The following ANKIB1 variants were observed in gnomAD, a reference collection of about 807,000 sequenced individuals.
ANKIB1 encodes the protein ankyrin repeat and IBR domain-containing protein 1.
ANKIB1 carries 43 observed loss-of-function variants against 122.1 expected under a neutral mutation model. The ratio of observed to expected loss-of-function variants is 0.35; its 90% CI spans 0.28 to 0.45. The LOEUF (loss-of-function observed/expected upper bound fraction) is 0.45, where lower values mean the gene tolerates loss of function less well. ANKIB1 is among the 20% of genes least tolerant of loss of function. The pLI, the probability that ANKIB1 is intolerant of heterozygous loss-of-function variation, is 1.00. For missense variants in ANKIB1, 992 were observed against 1,329.5 expected, an observed-to-expected ratio of 0.75 and a Z score of 3.95; for synonymous variants, 390 against 442.0, an observed-to-expected ratio of 0.88 and a Z score of 1.48.
intron 9 of ANKIB1, among the ~76,000 whole-genome samples, chr7:92,354,865 G>A (rs1243835875): frequency 6.6e-6 from 1 of 152,120 alleles, no homozygotes; most frequent in Non-Finnish European, 1.5e-5. Flanking sequence ...CAAATTAAAC[G>A]CAAATGATTC....
At chr7:92,362,931 G>A (rs576445531) in intron 10 of ANKIB1, among the ~76,000 whole-genome samples, 1 of 151,990 alleles carries the variant, frequency 6.6e-6, no homozygotes, top group African/African-American at 2.4e-5. Context: ...CTTCCTAATA[G>A]CAGTTCCCAC....
At chr7:92,308,799 T>C (rs1802624652) in intron 3 of ANKIB1, among the ~76,000 whole-genome samples, 3 of 152,158 alleles carry the variant, frequency 2.0e-5, no homozygotes, top group Admixed American at 6.5e-5. Context: ...ACATATCTCA[T>C]AGAAGTTCTT....
chr7:92,351,169 C>T, intron 8 of ANKIB1, 75 bp downstream of exon 8: 5 of 1,234,834 alleles, frequency 4.0e-6, no homozygotes, highest in Non-Finnish European at 5.3e-6. Flanking sequence ...ATTATTTTTT[C>T]TTTTTGTTTT....
At chr7:92,263,974 A>G (rs915755623) in intron 1 of ANKIB1, among the ~76,000 whole-genome samples, 18 of 152,206 alleles carry the variant, frequency 1.2e-4, no homozygotes, top group Non-Finnish European at 2.6e-4. Context: ...CAAGTTTACA[A>G]TTTGACTGGA....
At chr7:92,286,894 A>C (rs759228900) in intron 1 of ANKIB1, among the ~76,000 whole-genome samples, 1 of 152,226 alleles carries the variant, frequency 6.6e-6, no homozygotes, top group Non-Finnish European at 1.5e-5. Context: ...ACATATCCAG[A>C]ATCCAGACAA....
intron 10 of ANKIB1, among the ~76,000 whole-genome samples, chr7:92,366,441 A>G (rs1804085332): frequency 6.6e-6 from 1 of 152,160 alleles, no homozygotes; most frequent in Non-Finnish European, 1.5e-5. Context: ...ACCCTGAAAG[A>G]ACTGTTCATC....
chr7:92,256,940 G>A (rs1269176613), intron 1 of ANKIB1, among the ~76,000 whole-genome samples: 2 of 152,014 alleles, frequency 1.3e-5, no homozygotes, highest in East Asian at 1.9e-4. Context: ...CTGTAATCCT[G>A]GCACTTTGAG....
intron 1 of ANKIB1, 24 bp from the exon 2 acceptor site, chr7:92,294,865 T>C (rs1562773730): frequency 1.4e-6 from 1 of 713,222 alleles, no homozygotes; most frequent in East Asian, 2.8e-5. Flanking sequence ...TACAATCTAA[T>C]TTGAATAACT....
At chr7:92,318,266 A>G (rs1000148529) in intron 3 of ANKIB1, among the ~76,000 whole-genome samples, 1 of 152,142 alleles carries the variant, frequency 6.6e-6, no homozygotes, top group South Asian at 2.1e-4. Flanking sequence ...CTTTAATCCT[A>G]GTATTTTGGG....
At chr7:92,320,290 T>C (rs564162862) in intron 4 of ANKIB1, among the ~76,000 whole-genome samples, 32 of 152,320 alleles carry the variant, frequency 2.1e-4, no homozygotes, top group African/African-American at 7.2e-4. Flanking sequence ...ATTCACTCTT[T>C]AGCCCACTGC....
chr7:92,250,045 G>A (rs1368438378), intron 1 of ANKIB1, among the ~76,000 whole-genome samples: 1 of 151,974 alleles, frequency 6.6e-6, no homozygotes, highest in African/African-American at 2.4e-5. Flanking sequence ...CTCTAATATT[G>A]CTTTGAATAG....
chr7:92,262,372 A>G (rs1801583943), intron 1 of ANKIB1, among the ~76,000 whole-genome samples: 1 of 152,176 alleles, frequency 6.6e-6, no homozygotes, highest in African/African-American at 2.4e-5. Flanking sequence ...GACTTAAGAT[A>G]CCCTGTAGGA....
At position 92,399,092 on chromosome 7, in the gene ANKIB1, G is replaced by C; in HGVS notation, c.*143G>C. The C allele has an allele frequency of 1.2e-6, 1 of 832,158 alleles. No individual in the cohort carries two copies. The highest frequency in any genetic ancestry group is 4.6e-5 in the South Asian group (1 of 21,532). The allele number at this position is 832,158 out of a possible 1,614,324, so 51.5% of individuals were successfully genotyped here. A position where few individuals can be genotyped will look rare whatever the true frequency, so the allele number is the denominator to read the frequency against. On this transcript the variant is annotated 3_prime_UTR_variant, in exon 20 of 20. Transcript: ENST00000265742. ...GGGTTGAATACAGAGAAGTTCCCTT[G>C]AATGGTAGCTTCATTTTTTATTTTA...
intron 5 of ANKIB1, among the ~76,000 whole-genome samples, chr7:92,332,820 C>G (rs1434301842): frequency 6.6e-6 from 1 of 152,168 alleles, no homozygotes; most frequent in Admixed American, 6.5e-5. Flanking sequence ...TGGACTAGAC[C>G]TCTCTTCTGA....
At chr7:92,260,675 C>T (rs1801544098) in intron 1 of ANKIB1, among the ~76,000 whole-genome samples, 1 of 150,914 alleles carries the variant, frequency 6.6e-6, no homozygotes, top group Admixed American at 6.6e-5. Context: ...AAAGCGAGAC[C>T]CTGTCTCAAA....
At chr7:92,315,685 T>TG (rs1802780346) in intron 3 of ANKIB1, among the ~76,000 whole-genome samples, 2 of 151,972 alleles carry the variant, frequency 1.3e-5, no homozygotes, top group African/African-American at 4.8e-5. Flanking sequence ...CTAAAGGAAT[T>TG]GGGGGGACTG....
intron 11 of ANKIB1, among the ~76,000 whole-genome samples, chr7:92,376,550 G>A (rs574221048): frequency 1.3e-5 from 2 of 151,554 alleles, no homozygotes; most frequent in Admixed American, 1.3e-4. Flanking sequence ...CCAGGTTCAA[G>A]CGATTCTCCT....
chr7:92,286,572 T>G (rs1802131101), intron 1 of ANKIB1, among the ~76,000 whole-genome samples: 1 of 151,614 alleles, frequency 6.6e-6, no homozygotes. Flanking sequence ...TTCTGCCTCC[T>G]GGGTTTAATC....
chr7:92,271,337 A>G lies in ANKIB1; in HGVS notation c.-90-23552A>G, dbSNP rs180748315. On this transcript the variant is annotated intron_variant, in intron 1 of 19. Coordinates refer to ENST00000265742, the MANE Select transcript of ANKIB1 (RefSeq NM_019004.2). ...TGAATCTGTGTCTGTCCCTCTGCCA[A>G]TAGGACCCTGTCTTAATTCTTGTGG... 2.1e-3 allele frequency among the ~76,000 whole-genome samples: 317 copies of G among 152,308 alleles called. 1 individual carries two copies. Among genetic ancestry groups the G allele is most frequent in the African/African-American group, 7.1e-3 (297 of 41,570 alleles).
Sources: allele counts gnomAD v4.1 joint callset (sites outside exome capture counted in the v4.1 genomes callset), GRCh38; gene constraint gnomAD v4.1.1; transcripts MANE v1.5; gene names NCBI Gene and HGNC (gene_info 2026-07-23, HGNC 2026-07-21).